KLHL4: variants seen among roughly 807,000 people sequenced by gnomAD.
The protein encoded by KLHL4 is kelch-like protein 4.
In KLHL4, 17 loss-of-function variants were observed where a neutral mutation model predicts 45.8. The observed-to-expected ratio is 0.37, with a 90% CI of 0.25 to 0.56. The LOEUF is 0.56. Ranked by LOEUF, KLHL4 falls within the 20% of genes least tolerant of loss-of-function variation. The pLI, the probability that KLHL4 is intolerant of heterozygous loss-of-function variation, is 0.79. For synonymous variants in KLHL4, 224 were observed against 189.9 expected, an observed-to-expected ratio of 1.18 and a Z score of -1.47; for missense variants, 544 against 544.9, an observed-to-expected ratio of 1.00 and a Z score of 0.02.
intron 1 of KLHL4, among the ~76,000 whole-genome samples, chrX:87,595,902 T>C (rs1246333057): frequency 9.0e-6 from 1 of 111,700 alleles, no homozygotes; most frequent in Non-Finnish European, 1.9e-5. Context: ...AAATTTCATG[T>C]TCAAATTTAA....
At position 87,667,636 on chromosome X, in the gene KLHL4, C is replaced by A; in HGVS notation, c.*1102C>A. ...TTAAGTTTTAAAATAACAAAAATGG[C>A]TAGTTGAATAGTATTTTATGTGTAA... On this transcript the variant is annotated 3_prime_UTR_variant, in exon 11 of 11. Coordinates refer to ENST00000373119, the MANE Select transcript of KLHL4 (RefSeq NM_019117.5). 1.8e-6 allele frequency: 1 copy of A among 571,081 alleles called. No individual in the cohort carries two copies. The highest frequency in any genetic ancestry group is 2.1e-6 in the Non-Finnish European group (1 of 474,187). 47.1% of individuals were successfully genotyped at this position (571,081 alleles called of 1,213,427 possible).
chrX:87,638,774 T>C (rs960806098), intron 9 of KLHL4, among the ~76,000 whole-genome samples: 1 of 110,670 alleles, frequency 9.0e-6, no homozygotes, highest in Non-Finnish European at 1.9e-5. Context: ...TATAAAACAA[T>C]AACAGTGAAA....
chrX:87,669,449 G>T lies in KLHL4; in HGVS notation c.*2915G>T. The T allele has an allele frequency of 8.4e-7, 1 of 1,188,813 alleles. No individual in the cohort carries two copies. The highest frequency in any genetic ancestry group is 1.8e-5 in the African/African-American group (1 of 56,824). ...CATTTATCAATCTGACTCAGGTGTG[G>T]CTGTTGCCCCTTTTTGATATGGAGG... On this transcript the variant is annotated 3_prime_UTR_variant, in exon 11 of 11. Coordinates refer to ENST00000373119, the MANE Select transcript of KLHL4 (RefSeq NM_019117.5).
At position 87,668,969 on chromosome X, in the gene KLHL4, T is replaced by C; in HGVS notation, c.*2435T>C. ...TGAGCTGCCAAAATCTGAGCAGATA[T>C]GAGCCATCAGAATAGAGACCTGCAG... On this transcript the variant is annotated 3_prime_UTR_variant, in exon 11 of 11. Coordinates refer to ENST00000373119, the MANE Select transcript of KLHL4 (RefSeq NM_019117.5). 1.3e-6 allele frequency: 1 copy of C among 770,809 alleles called. No individual in the cohort carries two copies. The highest frequency in any genetic ancestry group is 1.5e-6 in the Non-Finnish European group (1 of 650,170). 63.5% of individuals were successfully genotyped at this position (770,809 alleles called of 1,213,427 possible). A position where few individuals can be genotyped will look rare whatever the true frequency, so the allele number is the denominator to read the frequency against.
rs775854097 is a variant in KLHL4 at position 87,587,732 on chromosome X, G to A, written c.423-26145G>A. ...TGAAAAACTGCAAGCTTTTTCTCTA[G>A]TATCTGGAACACGAAAAGTTTACCT... is the stretch of plus-strand genomic sequence containing the variant. On this transcript the variant is annotated intron_variant, in intron 1 of 10. Coordinates refer to ENST00000373119, the MANE Select transcript of KLHL4 (RefSeq NM_019117.5). 5.4e-5 allele frequency among the ~76,000 whole-genome samples: 6 copies of A among 111,150 alleles called. No homozygotes were observed. In the South Asian group the frequency reaches 2.2e-3, roughly 41 times the overall value.
chrX:87,522,311 C>G (rs1365891529), intron 1 of KLHL4, among the ~76,000 whole-genome samples: 8 of 111,479 alleles, frequency 7.2e-5, no homozygotes, highest in African/African-American at 2.6e-4. Context: ...TAGGAAATGA[C>G]TTTGGAAAGG....
intron 9 of KLHL4, among the ~76,000 whole-genome samples, chrX:87,644,331 A>G (rs1923561412): frequency 9.0e-6 from 1 of 111,355 alleles, no homozygotes. Flanking sequence ...TAAAATACTT[A>G]GGAATATACA....
Position 87,546,239 on chromosome X carries a change from C to T in KLHL4, c.422+27924C>T, listed in dbSNP as rs186693912. ...GAGGCATATGAGGAAAAAATTGTTT[C>T]ATGGACTGGGCACAGTGTCTTGCCG... On this transcript the variant is annotated intron_variant, in intron 1 of 10. Transcript: ENST00000373119. 4.2e-3 allele frequency among the ~76,000 whole-genome samples: 465 copies of T among 111,213 alleles called. 4 individuals carry two copies. The highest frequency in any genetic ancestry group is 0.014 in the African/African-American group (426 of 30,624).
At chrX:87,579,945 G>A (rs193061643) in intron 1 of KLHL4, among the ~76,000 whole-genome samples, 87 of 111,860 alleles carry the variant, frequency 7.8e-4, no homozygotes, top group African/African-American at 2.4e-3. Context: ...ATAATGCAAC[G>A]ATAATGGGTA....
chrX:87,554,006 T>A (rs1222027063), intron 1 of KLHL4, among the ~76,000 whole-genome samples: 1 of 108,546 alleles, frequency 9.2e-6, no homozygotes, highest in Admixed American at 1.0e-4. Context: ...TTTGTCAGGT[T>A]TGTCAAAGAT....
rs187908109 is a variant in KLHL4 at position 87,553,796 on chromosome X, T to A, written c.422+35481T>A. 2.7e-5 allele frequency among the ~76,000 whole-genome samples: 3 copies of A among 111,456 alleles called. No homozygotes were observed. In the East Asian group the frequency reaches 8.5e-4, roughly 32 times the overall value. On this transcript the variant is annotated intron_variant, in intron 1 of 10. Transcript: ENST00000373119. The stretch of plus-strand genomic sequence containing the variant: ...TTTTTAAAACCTAAATAGCTTCACA[T>A]GCCTATGTCCTGAATGGTAATGCCT...
At chrX:87,522,643 A>G (rs1354863694) in intron 1 of KLHL4, among the ~76,000 whole-genome samples, 1 of 112,565 alleles carries the variant, frequency 8.9e-6, no homozygotes, top group Non-Finnish European at 1.9e-5. Context: ...ATGAACTACA[A>G]TTATATAGTT....
chrX:87,551,178 T>G (rs1297076215), intron 1 of KLHL4, among the ~76,000 whole-genome samples: 1 of 110,961 alleles, frequency 9.0e-6, no homozygotes, highest in Admixed American at 9.7e-5. Context: ...GATACAAGAT[T>G]AATGTACACA....
At chrX:87,590,854 C>A (rs1453487399) in intron 1 of KLHL4, among the ~76,000 whole-genome samples, 1 of 111,728 alleles carries the variant, frequency 9.0e-6, no homozygotes, top group Admixed American at 9.5e-5. Context: ...AATAACATTC[C>A]ATTGTGTATA....
chrX:87,541,515 G>C (rs895799633), intron 1 of KLHL4, among the ~76,000 whole-genome samples: 1 of 88,542 alleles, frequency 1.1e-5, no homozygotes. Flanking sequence ...AAAAAAAAAA[G>C]GTGGCAGTTT....
rs191634877 is a variant in KLHL4 at position 87,600,400 on chromosome X, G to A, written c.423-13477G>A. Among the ~76,000 whole-genome samples, 387 of 108,673 alleles carry A rather than the reference G, an allele frequency of 3.6e-3. 2 individuals carry two copies. Among genetic ancestry groups the A allele is most frequent in the African/African-American group, 0.012 (360 of 29,868 alleles). 94.4% of individuals were successfully genotyped at this position (108,673 alleles called of 115,157 possible). Reference sequence around the variant, plus strand: ...CAGGAGGCTGAGGCAGGAGAATGGCGTGAACCCGGGAGGCGGAGCTTGCAG... The same window carrying A: ...CAGGAGGCTGAGGCAGGAGAATGGCATGAACCCGGGAGGCGGAGCTTGCAG... On this transcript the variant is annotated intron_variant, in intron 1 of 10. Coordinates refer to ENST00000373119, the MANE Select transcript of KLHL4 (RefSeq NM_019117.5).
rs1429625770 is a variant in KLHL4 at position 87,668,854 on chromosome X, G to T, written c.*2320G>T. 8 of 562,156 alleles carry T rather than the reference G, an allele frequency of 1.4e-5. No individual in the cohort carries two copies. The highest frequency in any genetic ancestry group is 9.0e-5 in the Admixed American group (1 of 11,155). The allele number at this position is 562,156 out of a possible 1,213,427, so 46.3% of individuals were successfully genotyped here. ...CTCTCAACCTCAGACTTCTCAGCCT[G>T]CCTAACTGTAAGAAATTAATTCTTT... On this transcript the variant is annotated 3_prime_UTR_variant, in exon 11 of 11. Transcript: ENST00000373119.
intron 1 of KLHL4, among the ~76,000 whole-genome samples, chrX:87,538,414 C>T (rs1200526874): frequency 9.0e-6 from 1 of 111,727 alleles, no homozygotes; most frequent in Non-Finnish European, 1.9e-5. Context: ...ATAATTATTC[C>T]ACTAATTTTT....
rs1208355619 is a variant in KLHL4 at position 87,613,861 on chromosome X, C to T, written c.423-16C>T. The T allele has an allele frequency of 8.9e-7, 1 of 1,128,802 alleles. No individual in the cohort carries two copies. The highest frequency in any genetic ancestry group is 2.7e-5 in the Admixed American group (1 of 36,784). 93.0% of individuals were successfully genotyped at this position (1,128,802 alleles called of 1,213,427 possible). A position where few individuals can be genotyped will look rare whatever the true frequency, so the allele number is the denominator to read the frequency against. The stretch of plus-strand genomic sequence containing the variant: ...TTATATGATGAACCATATTCTCATC[C>T]TTACTTCCTTTTCAGATTAGATACA... On this transcript the variant is annotated splice_polypyrimidine_tract_variant and intron_variant, in intron 1 of 10. Transcript: ENST00000373119.
Sources: allele counts gnomAD v4.1 joint callset (sites outside exome capture counted in the v4.1 genomes callset), GRCh38; gene constraint gnomAD v4.1.1; transcripts MANE v1.5; gene names NCBI Gene and HGNC (gene_info 2026-07-23, HGNC 2026-07-21).